Variants in R3HCC1L observed in about 807,000 individuals in gnomAD.
The protein encoded by R3HCC1L is coiled-coil domain-containing protein R3HCC1L.
R3HCC1L carries 51 observed loss-of-function variants against 59.9 expected under a neutral mutation model. The ratio of observed to expected loss-of-function variants is 0.85; its 90% CI spans 0.68 to 1.07. The LOEUF (loss-of-function observed/expected upper bound fraction) is 1.07. Among genes scored for constraint, R3HCC1L ranks in the 50% least tolerant of loss-of-function variants. R3HCC1L has a pLI of 0.00. For missense variants in R3HCC1L, 965 were observed against 933.0 expected (o/e 1.03, Z -0.45); for synonymous variants, 322 against 315.2 (o/e 1.02, Z -0.23).
chr10:98,165,688 A>C (rs1271734504), intron 4 of R3HCC1L, among the ~76,000 whole-genome samples: 3 of 152,246 alleles, frequency 2.0e-5, no homozygotes, highest in Non-Finnish European at 4.4e-5. Flanking sequence ...AGTTATACAA[A>C]GTAAATAGCT....
chr10:98,207,112 T>C (rs558100143), intron 4 of R3HCC1L, among the ~76,000 whole-genome samples: 15 of 152,266 alleles, frequency 9.9e-5, no homozygotes, highest in African/African-American at 3.6e-4. Flanking sequence ...CTTCTCATTA[T>C]CTCCTTCTTT....
At chr10:98,197,709 A>G (rs1479834642) in intron 4 of R3HCC1L, among the ~76,000 whole-genome samples, 2 of 152,210 alleles carry the variant, frequency 1.3e-5, no homozygotes, top group African/African-American at 4.8e-5. Flanking sequence ...AAAAGAAACT[A>G]ACTCTACACT....
chr10:98,241,682 GTCTT>G (rs1219077752), intron 9 of R3HCC1L, among the ~76,000 whole-genome samples: 1 of 152,084 alleles, frequency 6.6e-6, no homozygotes, highest in Admixed American at 6.5e-5. Flanking sequence ...ATGTTTCTTT[GTCTT>G]TCTGTTTATA....
Position 98,146,256 on chromosome 10 carries a change from TA to T in R3HCC1L, c.-267-9835del, listed in dbSNP as rs1845644739. Among the ~76,000 whole-genome samples, 7 of 152,336 alleles carry T rather than the reference TA, an allele frequency of 4.6e-5. No individual in the cohort carries two copies. The South Asian group carries it at 1.5e-3, about 32-fold the overall frequency. On this transcript the variant is annotated intron_variant, in intron 1 of 9. Transcript: ENST00000298999. ...TTTTTTTGGTGGGGGGGACATGTGA[TA>T]ATAAATTTATATAATTTGTAAAGAT...
At chr10:98,165,115 G>T (rs894014054) in intron 4 of R3HCC1L, among the ~76,000 whole-genome samples, 1 of 152,120 alleles carries the variant, frequency 6.6e-6, no homozygotes, top group African/African-American at 2.4e-5. Flanking sequence ...TAAAATATTA[G>T]CTGGGCATGG....
intron 4 of R3HCC1L, among the ~76,000 whole-genome samples, chr10:98,194,038 AAAG>A (rs142827903): frequency 0.025 from 3,751 of 152,214 alleles, 144 homozygotes; most frequent in African/African-American, 0.081. Flanking sequence ...CAGTCTTGAG[AAAG>A]AAGAACAAAG....
chr10:98,188,513 G>A (rs899264328), intron 4 of R3HCC1L, among the ~76,000 whole-genome samples: 1 of 152,188 alleles, frequency 6.6e-6, no homozygotes, highest in African/African-American at 2.4e-5. Context: ...GATAGGCTCA[G>A]TGTAATGCTA....
intron 4 of R3HCC1L, among the ~76,000 whole-genome samples, chr10:98,197,865 T>C (rs1363906249): frequency 6.6e-6 from 1 of 152,160 alleles, no homozygotes; most frequent in Non-Finnish European, 1.5e-5. Flanking sequence ...AATGAAGTTA[T>C]AGAAAAGGTA....
intron 9 of R3HCC1L, 136 bp from the exon 10 acceptor site, chr10:98,243,955 A>G (rs1248331046): frequency 1.5e-6 from 1 of 646,020 alleles, no homozygotes; most frequent in African/African-American, 1.8e-5. Flanking sequence ...TAAAGGAATT[A>G]ACTCTTGTTA....
At chr10:98,224,378 A>G (rs1260508805) in intron 5 of R3HCC1L, among the ~76,000 whole-genome samples, 1 of 152,162 alleles carries the variant, frequency 6.6e-6, no homozygotes, top group Non-Finnish European at 1.5e-5. Flanking sequence ...ATAAAAACTC[A>G]ATGATGCATG....
At chr10:98,212,085 C>T (rs1157185448) in intron 5 of R3HCC1L, among the ~76,000 whole-genome samples, 1 of 152,034 alleles carries the variant, frequency 6.6e-6, no homozygotes. Context: ...ATGAGCATAA[C>T]TGAGAGCAGG....
Position 98,236,007 on chromosome 10 carries a change from T to C in R3HCC1L, c.2129-17T>C. 1.9e-6 allele frequency: 3 copies of C among 1,610,046 alleles called. No individual in the cohort carries two copies. The highest frequency in any genetic ancestry group is 2.5e-6 in the Non-Finnish European group (3 of 1,177,108). ...TCTTCTTGACTCCTTCCTACTCCCTTCCTTTCTTCGATTCAGAGTTCCTCC... is the reference window on the plus strand; with the variant it reads ...TCTTCTTGACTCCTTCCTACTCCCTCCCTTTCTTCGATTCAGAGTTCCTCC... On this transcript the variant is annotated splice_polypyrimidine_tract_variant and intron_variant, in intron 8 of 9. Transcript: ENST00000298999.
At chr10:98,179,082 A>G (rs998952708) in intron 4 of R3HCC1L, among the ~76,000 whole-genome samples, 8 of 152,334 alleles carry the variant, frequency 5.3e-5, no homozygotes, top group Non-Finnish European at 7.4e-5. Context: ...TGCCCTGGCC[A>G]GAACTTCCAA....
chr10:98,231,552 C>T lies in R3HCC1L; in HGVS notation c.1826C>T (p.Pro609Leu). The T allele has an allele frequency of 1.2e-6, 2 of 1,613,362 alleles. No individual in the cohort carries two copies. The highest frequency in any genetic ancestry group is 1.7e-6 in the Non-Finnish European group (2 of 1,179,658). ...NTKSRESIQE[P>L]RSDYYNHEVP... ...AAGAGCAGAGAGAGCATCCAGGAAC[C>T]TAGATCTGATTACTACAATCATGAA... The change falls in exon 6 of 10, where the codon CCT (proline) becomes CTT (leucine). Residue 609 changes from proline to leucine, a missense_variant. Transcript: ENST00000298999.
At chr10:98,192,280 G>A (rs1326888745) in intron 4 of R3HCC1L, among the ~76,000 whole-genome samples, 3 of 151,968 alleles carry the variant, frequency 2.0e-5, no homozygotes, top group Non-Finnish European at 4.4e-5. Context: ...AAAAAAAAAG[G>A]TCTTGGAAAT....
intron 4 of R3HCC1L, among the ~76,000 whole-genome samples, chr10:98,205,762 C>T (rs1355580926): frequency 6.6e-6 from 1 of 152,118 alleles, no homozygotes; most frequent in East Asian, 1.9e-4. Context: ...TTTGTAAAGT[C>T]ATTAACTGTG....
In R3HCC1L at chr10:98,217,100, C is replaced by T. The variant is rs149344461; in HGVS notation, c.1785+7201C>T. Among the ~76,000 whole-genome samples, 1,006 of 152,198 alleles carry T rather than the reference C, an allele frequency of 6.6e-3. 9 individuals carry two copies. Among genetic ancestry groups the T allele is most frequent in the Non-Finnish European group, 0.011 (721 of 68,012 alleles). ...CATCCTTCTTTTCCAGCCTTATTTA[C>T]TAGAATAAGGTATTAGTTTGCTAGG... On this transcript the variant is annotated intron_variant, in intron 5 of 9. Transcript: ENST00000298999.
intron 4 of R3HCC1L, among the ~76,000 whole-genome samples, chr10:98,164,637 G>A (rs1464070861): frequency 2.6e-5 from 4 of 152,084 alleles, no homozygotes; most frequent in Non-Finnish European, 5.9e-5. Flanking sequence ...CTGGGAAAAT[G>A]CTGTACTAAC....
chr10:98,237,228 T>G (rs938575484), intron 9 of R3HCC1L, among the ~76,000 whole-genome samples: 6 of 152,220 alleles, frequency 3.9e-5, no homozygotes, highest in Admixed American at 2.6e-4. Context: ...AAAGGCCTCC[T>G]ACAGACTATA....
Sources: gnomAD v4.1 joint callset for allele counts (sites outside exome capture counted in the v4.1 genomes callset) on GRCh38, gnomAD v4.1.1 for gene constraint, MANE v1.5 for transcripts, NCBI Gene and HGNC (gene_info 2026-07-23, HGNC 2026-07-21) for gene names.